The following DTNA variants were observed in gnomAD, a reference collection of about 807,000 sequenced individuals.
DTNA encodes the protein dystrophin-related protein 3.
DTNA carries 43 observed loss-of-function variants against 100.7 expected under a neutral mutation model. The observed-to-expected ratio is 0.43, with a 90% CI of 0.33 to 0.55. The LOEUF (loss-of-function observed/expected upper bound fraction) is 0.55. DTNA is among the 20% of genes least tolerant of loss of function. The pLI is 0.04. For missense variants in DTNA, 798 were observed against 953.9 expected (o/e 0.84, Z 2.15); for synonymous variants, 349 against 347.9 (o/e 1.00, Z -0.04).
At chr18:34,780,104 TA>T (rs2094249905) in intron 3 of DTNA, among the ~76,000 whole-genome samples, 2 of 320 alleles carry the variant, frequency 6.3e-3, no homozygotes, top group Non-Finnish European at 0.12. Flanking sequence ...CAAAATCAAG[TA>T]TATATATATA....
chr18:34,811,420 A>T (rs955742194), intron 5 of DTNA, among the ~76,000 whole-genome samples: 3 of 152,206 alleles, frequency 2.0e-5, no homozygotes, highest in Admixed American at 6.5e-5. Context: ...CTTCTTCTGT[A>T]GGAAGTTAAT....
intron 1 of DTNA, among the ~76,000 whole-genome samples, chr18:34,532,164 C>T (rs993834678): frequency 3.9e-5 from 6 of 152,116 alleles, no homozygotes; most frequent in African/African-American, 1.4e-4. Flanking sequence ...AAGATGTATG[C>T]ATAGATTAGT....
In DTNA at chr18:34,866,093, G is replaced by T. The variant is rs373510170; in HGVS notation, c.1743+2031G>T. The T allele has an allele frequency of 5.6e-6, 9 of 1,613,646 alleles. No individual in the cohort carries two copies. The African/African-American group carries it at 1.1e-4, about 19-fold the overall frequency. ...AACCCTGGGTAATCTAACTGTTATT[G>T]ATTCAATCTTTCTGTAGGAAGAAGA... is the stretch of plus-strand genomic sequence containing the variant. On this transcript the variant is annotated intron_variant, in intron 17 of 22. Transcript: ENST00000444659.
At chr18:34,756,959 A>C (rs1047388899) in intron 2 of DTNA, among the ~76,000 whole-genome samples, 2 of 152,220 alleles carry the variant, frequency 1.3e-5, no homozygotes, top group African/African-American at 4.8e-5. Context: ...TTAGGTTTCT[A>C]CTAAAGATTG....
intron 17 of DTNA, among the ~76,000 whole-genome samples, chr18:34,873,858 G>C (rs1392406290): frequency 6.6e-6 from 1 of 152,128 alleles, no homozygotes; most frequent in Non-Finnish European, 1.5e-5. Context: ...CCTTGAGCAG[G>C]CCGAGGGAAG....
chr18:34,713,880 GC>G (rs1375149778), intron 1 of DTNA, among the ~76,000 whole-genome samples: 2 of 151,972 alleles, frequency 1.3e-5, no homozygotes, highest in Non-Finnish European at 2.9e-5. Context: ...TCTCTTTGAA[GC>G]AATTGTGAAT....
chr18:34,863,897 T>A (rs1328273231), intron 16 of DTNA, 69 bp from the exon 17 acceptor site: 13 of 1,486,766 alleles, frequency 8.7e-6, no homozygotes, highest in Non-Finnish European at 1.2e-5. Flanking sequence ...CACAAGTCCC[T>A]CAAGAATGGA....
intron 16 of DTNA, among the ~76,000 whole-genome samples, chr18:34,862,071 C>A (rs540802820): frequency 1.0e-3 from 154 of 147,596 alleles, no homozygotes; most frequent in Non-Finnish European, 1.9e-3. Flanking sequence ...ATTATCTATT[C>A]TTGTACCAAA....
intron 1 of DTNA, among the ~76,000 whole-genome samples, chr18:34,655,021 C>G (rs1050930300): frequency 6.6e-6 from 1 of 152,110 alleles, no homozygotes; most frequent in Non-Finnish European, 1.5e-5. Flanking sequence ...ACCACCGTGC[C>G]CGGCCTAATT....
intron 1 of DTNA, among the ~76,000 whole-genome samples, chr18:34,690,413 C>T (rs539734144): frequency 7.8e-4 from 119 of 152,290 alleles, no homozygotes; most frequent in African/African-American, 2.7e-3. Flanking sequence ...TTGCGCTTCC[C>T]GGGTGAGGCA....
At chr18:34,533,801 T>C (rs1340604087) in intron 1 of DTNA, among the ~76,000 whole-genome samples, 1 of 152,130 alleles carries the variant, frequency 6.6e-6, no homozygotes, top group Non-Finnish European at 1.5e-5. Flanking sequence ...TCAAAATATC[T>C]TGATTGAAGC....
At chr18:34,620,342 T>C (rs2056230862) in intron 1 of DTNA, among the ~76,000 whole-genome samples, 1 of 152,196 alleles carries the variant, frequency 6.6e-6, no homozygotes. Context: ...TTTGAAGATA[T>C]TTGAATGCTC....
intron 13 of DTNA, among the ~76,000 whole-genome samples, chr18:34,845,627 G>A (rs1382655045): frequency 6.6e-6 from 1 of 152,162 alleles, no homozygotes; most frequent in Non-Finnish European, 1.5e-5. Flanking sequence ...TGATAAACAT[G>A]TTAAAATCAA....
At chr18:34,548,604 G>A (rs2045058675) in intron 1 of DTNA, among the ~76,000 whole-genome samples, 1 of 151,946 alleles carries the variant, frequency 6.6e-6, no homozygotes, top group South Asian at 2.1e-4. Context: ...CTATCATTTG[G>A]TCATATCTGT....
At chr18:34,751,227 A>G (rs760139122) in intron 1 of DTNA, among the ~76,000 whole-genome samples, 12 of 152,238 alleles carry the variant, frequency 7.9e-5, no homozygotes, top group Non-Finnish European at 1.5e-4. Context: ...GTCCTATCAA[A>G]TGTGTCTTCT....
chr18:34,524,682 G>T (rs2042446118), intron 1 of DTNA, among the ~76,000 whole-genome samples: 1 of 152,112 alleles, frequency 6.6e-6, no homozygotes, highest in Non-Finnish European at 1.5e-5. Flanking sequence ...TGCAAACATA[G>T]TATGTCTTTT....
At chr18:34,842,005 T>C (rs1021672263) in intron 13 of DTNA, among the ~76,000 whole-genome samples, 2 of 152,188 alleles carry the variant, frequency 1.3e-5, no homozygotes, top group South Asian at 4.1e-4. Flanking sequence ...CCTAATTCAA[T>C]GAAGTTTTAA....
intron 1 of DTNA, among the ~76,000 whole-genome samples, chr18:34,538,892 T>G (rs1327206486): frequency 6.6e-6 from 1 of 151,966 alleles, no homozygotes; most frequent in Non-Finnish European, 1.5e-5. Context: ...ACAGGAAAAT[T>G]TTGTCCAATT....
intron 1 of DTNA, among the ~76,000 whole-genome samples, chr18:34,750,086 G>A (rs1409368128): frequency 6.6e-6 from 1 of 152,148 alleles, no homozygotes; most frequent in Non-Finnish European, 1.5e-5. Context: ...TTCACCTGGA[G>A]CAAAATGTAG....
Sources: allele counts gnomAD v4.1 joint callset (sites outside exome capture counted in the v4.1 genomes callset), GRCh38; gene constraint gnomAD v4.1.1; transcripts MANE v1.5; gene names NCBI Gene and HGNC (gene_info 2026-07-23, HGNC 2026-07-21).